Variants in NRCAM observed in about 807,000 individuals in gnomAD.
NRCAM encodes neuronal cell adhesion molecule.
A neutral mutation model predicts 156.5 loss-of-function variants in NRCAM; 83 were observed. The ratio of observed to expected loss-of-function variants is 0.53; its 90% CI spans 0.44 to 0.64. The LOEUF is 0.64. Ranked by LOEUF, NRCAM falls within the 30% of genes least tolerant of loss-of-function variation. NRCAM has a pLI of 0.00. For missense variants in NRCAM, 1,417 were observed against 1,597.3 expected (o/e 0.89, Z 1.92); for synonymous variants, 538 against 563.9 (o/e 0.95, Z 0.65).
At chr7:108,379,417 G>A (rs2099691288) in intron 2 of NRCAM, among the ~76,000 whole-genome samples, 1 of 152,138 alleles carries the variant, frequency 6.6e-6, no homozygotes, top group South Asian at 2.1e-4. Flanking sequence ...GAGGTACCTA[G>A]AGTATTCAAA....
intron 1 of NRCAM, among the ~76,000 whole-genome samples, chr7:108,414,615 T>C (rs1799225860): frequency 6.6e-6 from 1 of 152,158 alleles, no homozygotes; most frequent in Non-Finnish European, 1.5e-5. Context: ...AATGAATGAA[T>C]GTAATTAGAG....
chr7:108,397,414 G>A (rs2099779918), intron 2 of NRCAM, among the ~76,000 whole-genome samples: 1 of 152,138 alleles, frequency 6.6e-6, no homozygotes, highest in African/African-American at 2.4e-5. Flanking sequence ...ATTTGAAGTT[G>A]AAATTTTTAC....
chr7:108,317,024 G>C (rs1052528012), intron 2 of NRCAM, among the ~76,000 whole-genome samples: 2 of 152,094 alleles, frequency 1.3e-5, no homozygotes, highest in African/African-American at 4.8e-5. Context: ...TCTTTTCCAC[G>C]CCTCCTATCT....
intron 2 of NRCAM, among the ~76,000 whole-genome samples, chr7:108,335,461 A>ATTTTTTTTTTTT (rs2099173387): frequency 1.2e-4 from 3 of 25,548 alleles, no homozygotes; most frequent in South Asian, 1.7e-3. Context: ...TTTTTTTTTC[A>ATTTTTTTTTTTT]GTTTTCACTG....
In NRCAM at chr7:108,223,792, CT is replaced by C; in HGVS notation, c.822del (p.Gly275AlafsTer9). On this transcript the variant is annotated frameshift_variant, in exon 11 of 33. Transcript: ENST00000379028. LOFTEE classifies it high-confidence loss of function. ...RERPPTFLTP[E>X]GNASNKEELR... is the part of the protein sequence containing the mutation. ...AATTCCTCTTTGTTACTTGCATTGC[CT>C]TCTGGAGTTAAAAATGTTGGTGGCC... 1.2e-6 allele frequency: 2 copies of C among 1,611,492 alleles called. No homozygotes were observed. Among genetic ancestry groups the C allele is most frequent in the Non-Finnish European group, 1.7e-6 (2 of 1,177,974 alleles).
chr7:108,380,090 T>C (rs1318741820), intron 2 of NRCAM, among the ~76,000 whole-genome samples: 4 of 152,182 alleles, frequency 2.6e-5, no homozygotes, highest in Admixed American at 2.6e-4. Context: ...TAAGATTGTT[T>C]ACAGCAGTAT....
At chr7:108,223,384 T>C (rs2092804103) in intron 11 of NRCAM, among the ~76,000 whole-genome samples, 1 of 152,210 alleles carries the variant, frequency 6.6e-6, no homozygotes, top group South Asian at 2.1e-4. Flanking sequence ...CAAAATAATA[T>C]ACTCTAATTA....
chr7:108,285,513 G>A (rs1487634856), intron 3 of NRCAM, among the ~76,000 whole-genome samples: 1 of 152,178 alleles, frequency 6.6e-6, no homozygotes, highest in Non-Finnish European at 1.5e-5. Context: ...TTTGCTCAGA[G>A]GAGACAATGG....
intron 26 of NRCAM, among the ~76,000 whole-genome samples, chr7:108,177,427 T>A (rs146289475): frequency 0.015 from 2,282 of 151,982 alleles, 59 homozygotes; most frequent in African/African-American, 0.052. Flanking sequence ...ATCAAGACCA[T>A]CCTGGCTAAC....
At chr7:108,355,952 T>G (rs2099492002) in intron 2 of NRCAM, among the ~76,000 whole-genome samples, 1 of 152,076 alleles carries the variant, frequency 6.6e-6, no homozygotes, top group African/African-American at 2.4e-5. Context: ...GATTTTTTTT[T>G]TTTTTTTGAG....
chr7:108,363,020 T>C (rs6957973), intron 2 of NRCAM, among the ~76,000 whole-genome samples: 137,550 of 152,184 alleles, frequency 0.9, 62,225 homozygotes, highest in East Asian at 1. Flanking sequence ...AACAAAACTC[T>C]AAAACATCAG....
At chr7:108,292,408 A>T (rs759549) in intron 3 of NRCAM, among the ~76,000 whole-genome samples, 1 of 152,108 alleles carries the variant, frequency 6.6e-6, no homozygotes, top group Admixed American at 6.6e-5. Context: ...AAACAATATC[A>T]AAGTCAGAAA....
chr7:108,340,840 ATCAC>A (rs2099268291), intron 2 of NRCAM, among the ~76,000 whole-genome samples: 1 of 152,226 alleles, frequency 6.6e-6, no homozygotes, highest in African/African-American at 2.4e-5. Context: ...GGATAAGTTT[ATCAC>A]TCAGTCAGCT....
At chr7:108,420,790 C>T (rs1265377086) in intron 1 of NRCAM, among the ~76,000 whole-genome samples, 1 of 152,172 alleles carries the variant, frequency 6.6e-6, no homozygotes, top group Non-Finnish European at 1.5e-5. Context: ...ATGGCTCATG[C>T]CCTTACTTTT....
chr7:108,214,413 A>G (rs2086645744), intron 11 of NRCAM, among the ~76,000 whole-genome samples: 1 of 151,934 alleles, frequency 6.6e-6, no homozygotes, highest in Non-Finnish European at 1.5e-5. Flanking sequence ...TCTATACTCT[A>G]TATGGTGGTA....
intron 3 of NRCAM, among the ~76,000 whole-genome samples, chr7:108,296,105 C>G (rs2098449473): frequency 6.6e-6 from 1 of 152,224 alleles, no homozygotes; most frequent in South Asian, 2.1e-4. Context: ...GAAGTACTTT[C>G]ACACACTCCA....
intron 3 of NRCAM, among the ~76,000 whole-genome samples, chr7:108,242,610 T>G (rs1379835381): frequency 1.3e-5 from 2 of 152,204 alleles, no homozygotes; most frequent in African/African-American, 4.8e-5. Flanking sequence ...ACAAATAGCA[T>G]TGAAAACATG....
At chr7:108,195,618 A>G (rs34038577) in intron 15 of NRCAM, 143 bp downstream of exon 15, 128,965 of 573,764 alleles carry the variant, frequency 0.22, 12,072 homozygotes, top group Non-Finnish European at 0.25. Flanking sequence ...TCTGTCTCAC[A>G]AGAAAAAAAA....
chr7:108,257,005 G>GAAAAAAAAAAAAAAAAA (rs777855116), intron 3 of NRCAM, among the ~76,000 whole-genome samples: 1 of 50,006 alleles, frequency 2.0e-5, no homozygotes. Context: ...GAAGACTGTC[G>GAAAAAAAAAAAAAAAAA]AAAAAAAAAA....
Sources: gnomAD v4.1 joint callset for allele counts (sites outside exome capture counted in the v4.1 genomes callset) on GRCh38, gnomAD v4.1.1 for gene constraint, MANE v1.5 for transcripts, NCBI Gene and HGNC (gene_info 2026-07-23, HGNC 2026-07-21) for gene names.